Variants in SAMM50 observed in about 807,000 individuals in gnomAD.
SAMM50 encodes sorting and assembly machinery component 50 homolog.
Under a neutral mutation model 66.9 loss-of-function variants are expected in SAMM50, and 47 were observed. The observed-to-expected ratio is 0.70, with a 90% CI of 0.56 to 0.90. SAMM50 has a LOEUF of 0.90. Among genes scored for constraint, SAMM50 ranks in the 40% least tolerant of loss-of-function variants. The pLI is 0.00. For synonymous variants in SAMM50, 191 were observed against 214.1 expected, an observed-to-expected ratio of 0.89 and a Z score of 0.94; for missense variants, 535 against 595.3, an observed-to-expected ratio of 0.90 and a Z score of 1.05.
At chr22:43,994,819 T>G (rs957528779) in intron 14 of SAMM50, among the ~76,000 whole-genome samples, 1 of 152,194 alleles carries the variant, frequency 6.6e-6, no homozygotes, top group African/African-American at 2.4e-5. Context: ...CTGTGACATG[T>G]TTATGTGGTC....
intron 4 of SAMM50, among the ~76,000 whole-genome samples, chr22:43,969,855 C>T (rs1297285829): frequency 1.3e-5 from 2 of 152,102 alleles, no homozygotes; most frequent in African/African-American, 4.8e-5. Flanking sequence ...CGTCAGGAGC[C>T]CAGACCGTGG....
intron 14 of SAMM50, among the ~76,000 whole-genome samples, chr22:43,991,081 A>G (rs1000050112): frequency 6.6e-6 from 1 of 151,638 alleles, no homozygotes; most frequent in Non-Finnish European, 1.5e-5. Context: ...GGTTCAAGAG[A>G]TTCTCCTGCC....
intron 1 of SAMM50, among the ~76,000 whole-genome samples, chr22:43,959,396 A>G (rs2050136904): frequency 6.6e-6 from 1 of 152,064 alleles, no homozygotes; most frequent in Non-Finnish European, 1.5e-5. Flanking sequence ...TTCATGTCCC[A>G]TACCCGCTGC....
In SAMM50 at chr22:43,996,459, A is replaced by G. The variant is rs1334195680; in HGVS notation, c.*76A>G. ...CATGCCACACACCGTCTCTCGAGGA[A>G]ACGCGGTTCAGCGATTCTTTGACTG... is the stretch of plus-strand genomic sequence containing the variant. On this transcript the variant is annotated 3_prime_UTR_variant, in exon 15 of 15. Coordinates refer to ENST00000350028, the MANE Select transcript of SAMM50 (RefSeq NM_015380.5). The G allele has an allele frequency of 7.2e-7, 1 of 1,395,176 alleles. No individual in the cohort carries two copies. The highest frequency in any genetic ancestry group is 1.0e-6 in the Non-Finnish European group (1 of 981,090). 86.4% of individuals were successfully genotyped at this position (1,395,176 alleles called of 1,614,324 possible).
chr22:43,968,226 C>CAAAAAAAAAAAAAAAAAAAAAAAA (rs66961907), intron 3 of SAMM50, among the ~76,000 whole-genome samples: 64 of 68,606 alleles, frequency 9.3e-4, no homozygotes, highest in Admixed American at 1.2e-3. Context: ...AACTCTGTCT[C>CAAAAAAAAAAAAAAAAAAAAAAAA]AAAAAAAAAA....
intron 14 of SAMM50, among the ~76,000 whole-genome samples, chr22:43,994,228 G>A (rs973396957): frequency 6.6e-6 from 1 of 152,214 alleles, no homozygotes; most frequent in Non-Finnish European, 1.5e-5. Flanking sequence ...GTGCGCTGTC[G>A]GCGGGCACCG....
At chr22:43,959,154 G>T (rs1311395869) in intron 1 of SAMM50, among the ~76,000 whole-genome samples, 1 of 151,838 alleles carries the variant, frequency 6.6e-6, no homozygotes, top group Non-Finnish European at 1.5e-5. Context: ...GAGTGGCTGG[G>T]ATTACAGACA....
intron 3 of SAMM50, among the ~76,000 whole-genome samples, chr22:43,966,321 C>T (rs2050173061): frequency 6.6e-6 from 1 of 151,876 alleles, no homozygotes; most frequent in Non-Finnish European, 1.5e-5. Context: ...TTCACTGATG[C>T]AGCCGTATTG....
intron 2 of SAMM50, among the ~76,000 whole-genome samples, chr22:43,963,865 C>T (rs551499172): frequency 1.5e-4 from 23 of 152,034 alleles, no homozygotes; most frequent in Non-Finnish European, 2.6e-4. Context: ...GAAATCCCTG[C>T]GGGGTCTTTA....
chr22:43,995,541 C>G (rs556670876), intron 14 of SAMM50: 1 of 152,514 alleles, frequency 6.6e-6, no homozygotes, highest in East Asian at 1.9e-4. Flanking sequence ...TGGCCTTGCC[C>G]CATGCACAGG....
At position 43,955,656 on chromosome 22, in the gene SAMM50, C is replaced by T. The variant is rs1422399034; in HGVS notation, c.21+58C>T. 2.0e-6 allele frequency: 3 copies of T among 1,523,956 alleles called. No homozygotes were observed. In the East Asian group the frequency reaches 7.2e-5, roughly 37 times the overall value. The allele number at this position is 1,523,956 out of a possible 1,614,324, so 94.4% of individuals were successfully genotyped here. A position where few individuals can be genotyped will look rare whatever the true frequency, so the allele number is the denominator to read the frequency against. On this transcript the variant is annotated intron_variant, in intron 1 of 14. Transcript: ENST00000350028. ...CCTCTGGGCCAGCAGGGCAGACGGG[C>T]GCCGCGGGGAGACGCTCTCGTGGCT...
At chr22:43,992,026 T>A (rs1423287906) in intron 14 of SAMM50, among the ~76,000 whole-genome samples, 1 of 149,596 alleles carries the variant, frequency 6.7e-6, no homozygotes. Context: ...CTCTTATTTT[T>A]GTATATGCAT....
At chr22:43,970,357 T>C (rs897433509) in intron 4 of SAMM50, among the ~76,000 whole-genome samples, 2 of 152,128 alleles carry the variant, frequency 1.3e-5, no homozygotes, top group African/African-American at 4.8e-5. Context: ...TGGTGTAGTT[T>C]CCCCCCGTGG....
rs2050156850 is a variant in SAMM50 at position 43,963,301 on chromosome 22, C to T, written c.37C>T (p.Pro13Ser). The T allele has an allele frequency of 6.2e-7, 1 of 1,609,470 alleles. No homozygotes were observed. Among genetic ancestry groups the T allele is most frequent in the Non-Finnish European group, 8.5e-7 (1 of 1,178,216 alleles). ...TCCCTTTCAGAGTTTGGAGCCTCTT[C>T]CATCAAGTGGACCTGATTTTGGAGG... The part of the protein sequence containing the change: ...TVHARSLEPL[P>S]SSGPDFGGLG... The change falls in exon 2 of 15, where the codon CCA becomes TCA. Residue 13 changes from proline to serine, a missense_variant. Transcript: ENST00000350028.
chr22:43,992,390 G>A (rs543439542), intron 14 of SAMM50, among the ~76,000 whole-genome samples: 1 of 152,390 alleles, frequency 6.6e-6, no homozygotes, highest in East Asian at 1.9e-4. Context: ...GGCAGGGGCT[G>A]CCAGGCTGCT....
chr22:43,963,069 G>T (rs1269431423), intron 1 of SAMM50: 3 of 348,186 alleles, frequency 8.6e-6, no homozygotes, highest in Non-Finnish European at 5.2e-6. Flanking sequence ...ATTTTATTTA[G>T]TGACCACCAG....
chr22:43,968,226 CAAAAAAAAAAAA>C (rs66961907), intron 3 of SAMM50, among the ~76,000 whole-genome samples: 2 of 68,650 alleles, frequency 2.9e-5, no homozygotes, highest in African/African-American at 1.1e-4. Flanking sequence ...AACTCTGTCT[CAAAAAAAAAAAA>C]AAAAAAAAAG....
intron 3 of SAMM50, among the ~76,000 whole-genome samples, 189 bp downstream of exon 3, chr22:43,964,742 T>C (rs1415993954): frequency 2.0e-5 from 3 of 152,138 alleles, no homozygotes; most frequent in Non-Finnish European, 4.4e-5. Flanking sequence ...ACAAACTCCA[T>C]GTATTCGCAT....
rs904946968 is a variant in SAMM50 at position 43,983,200 on chromosome 22, A to G, written c.1008-733A>G. On this transcript the variant is annotated intron_variant, in intron 11 of 14. Coordinates refer to ENST00000350028, the MANE Select transcript of SAMM50 (RefSeq NM_015380.5). This position sits in a 1 kb window ranked among gnomAD's most constrained non-coding sequence, Gnocchi z 4.2. ...TCAAAGGTCAGAGGGCTCTGAGGGC[A>G]CCTGCCGGGGTTGTGTCCTTGGCTG... Among the ~76,000 whole-genome samples the G allele has an allele frequency of 6.6e-6, 1 of 152,210 alleles. No homozygotes were observed. The highest frequency in any genetic ancestry group is 1.5e-5 in the Non-Finnish European group (1 of 68,034).
Sources: allele counts gnomAD v4.1 joint callset (sites outside exome capture counted in the v4.1 genomes callset), GRCh38; gene constraint gnomAD v4.1.1; non-coding constraint Gnocchi (gnomAD v3.1); transcripts MANE v1.5; gene names NCBI Gene and HGNC (gene_info 2026-07-23, HGNC 2026-07-21).